Variants in ALG14 observed in about 807,000 individuals in gnomAD.
ALG14 encodes the protein ALG14 UDP-N-acetylglucosaminyltransferase subunit.
In ALG14, 17 loss-of-function variants were observed where a neutral mutation model predicts 22.8. The ratio of observed to expected loss-of-function variants is 0.75; its 90% CI spans 0.51 to 1.12. The LOEUF is 1.12. Ranked by LOEUF, ALG14 falls within the 50% of genes most tolerant of loss-of-function variation. The probability of loss-of-function intolerance (pLI) is 0.00; values close to 1 mark genes in which losing one functional copy is unlikely to be tolerated. For synonymous variants in ALG14, 89 were observed against 103.7 expected, an observed-to-expected ratio of 0.86 and a Z score of 0.86; for missense variants, 288 against 271.8, an observed-to-expected ratio of 1.06 and a Z score of -0.42.
At chr1:95,062,210 T>G (rs1374580736) in intron 2 of ALG14, 2 of 152,126 alleles carry the variant, frequency 1.3e-5, no homozygotes, top group Non-Finnish European at 2.9e-5. Context: ...ATAAAATAAT[T>G]TTCACTATTG....
At chr1:95,001,741 C>A (rs1673075761) in intron 3 of ALG14, among the ~76,000 whole-genome samples, 1 of 152,170 alleles carries the variant, frequency 6.6e-6, no homozygotes, top group Non-Finnish European at 1.5e-5. Flanking sequence ...AGTGATCCAC[C>A]CGCCTTGGCC....
Position 95,003,584 on chromosome 1 carries a change from A to G in ALG14, c.421-20278T>C, listed in dbSNP as rs541341279. 3.2e-3 allele frequency among the ~76,000 whole-genome samples: 481 copies of G among 151,610 alleles called. 1 individual carries two copies. Among genetic ancestry groups the G allele is most frequent in the African/African-American group, 0.011 (464 of 41,334 alleles). On this transcript the variant is annotated intron_variant, in intron 3 of 3. Transcript: ENST00000370205. The stretch of plus-strand genomic sequence containing the variant: ...CCTGCCTCCACCTCCTGAGTAGCTG[A>G]GACTACAGTGTGTGTCATCATGCCT...
intron 2 of ALG14, among the ~76,000 whole-genome samples, chr1:95,036,883 G>T (rs1352586557): frequency 2.6e-5 from 4 of 152,140 alleles, no homozygotes; most frequent in Non-Finnish European, 5.9e-5. Flanking sequence ...GAAGCAAGGA[G>T]GGCTAGCTGA....
At chr1:95,051,867 C>A (rs1471756689) in intron 2 of ALG14, among the ~76,000 whole-genome samples, 2 of 152,152 alleles carry the variant, frequency 1.3e-5, no homozygotes, top group Non-Finnish European at 2.9e-5. Context: ...CCCCTTTAAC[C>A]CTCTGAATCT....
intron 3 of ALG14, among the ~76,000 whole-genome samples, chr1:95,025,393 T>C (rs1673782903): frequency 6.6e-6 from 1 of 152,136 alleles, no homozygotes; most frequent in East Asian, 1.9e-4. Flanking sequence ...GCAGAATAGA[T>C]TTAGCATAAT....
chr1:95,060,827 A>G (rs1000707149), intron 2 of ALG14, among the ~76,000 whole-genome samples: 2 of 152,240 alleles, frequency 1.3e-5, no homozygotes, highest in Admixed American at 1.3e-4. Flanking sequence ...GATGCACAGT[A>G]TATAACTACT....
intron 1 of ALG14, chr1:95,067,012 T>A (rs1028916040): frequency 6.6e-6 from 1 of 152,238 alleles, no homozygotes; most frequent in Non-Finnish European, 1.5e-5. Context: ...TTTCCTTTTT[T>A]AAACTTTTTA....
Position 94,980,535 on chromosome 1 carries a change from C to G in ALG14, c.*2541G>C, listed in dbSNP as rs893028828. ...TCTAAGAGAAACTGGAAGGGACAAG[C>G]TAGCTACTCATCTTCTTCAGTTTGA... On this transcript the variant is annotated 3_prime_UTR_variant, in exon 4 of 4. Transcript: ENST00000370205. 2.6e-5 allele frequency: 4 copies of G among 152,180 alleles called. No homozygotes were observed. Among genetic ancestry groups the G allele is most frequent in the Non-Finnish European group, 5.9e-5 (4 of 68,040 alleles). The allele number at this position is 152,180 out of a possible 1,614,324, so 9.4% of individuals were successfully genotyped here.
intron 3 of ALG14, among the ~76,000 whole-genome samples, chr1:94,989,889 G>A (rs1418539236): frequency 6.6e-6 from 1 of 152,192 alleles, no homozygotes; most frequent in African/African-American, 2.4e-5. Flanking sequence ...AAAGATTTGA[G>A]AGCAGCAAAT....
intron 2 of ALG14, among the ~76,000 whole-genome samples, chr1:95,050,889 G>A (rs1299897573): frequency 5.7e-5 from 8 of 141,330 alleles, no homozygotes; most frequent in African/African-American, 1.6e-4. Flanking sequence ...TTTTGGAGAC[G>A]GGGTCTCACT....
chr1:95,028,137 C>T (rs569821497), intron 2 of ALG14, among the ~76,000 whole-genome samples: 1 of 152,264 alleles, frequency 6.6e-6, no homozygotes, highest in South Asian at 2.1e-4. Context: ...TACATACACA[C>T]ATCAGTATTT....
rs1672548364 is a variant in ALG14 at position 94,983,320 on chromosome 1, T to C, written c.421-14A>G. On this transcript the variant is annotated splice_polypyrimidine_tract_variant and intron_variant, in intron 3 of 3. Transcript: ENST00000370205. ...GTTACACAACACCTGAAAGAAAAAGTTGAAGGTCAAATGAAAATACAGAAT... is the reference window on the plus strand; with the variant it reads ...GTTACACAACACCTGAAAGAAAAAGCTGAAGGTCAAATGAAAATACAGAAT... 2 of 1,606,842 alleles carry C rather than the reference T, an allele frequency of 1.2e-6. No individual in the cohort carries two copies. The highest frequency in any genetic ancestry group is 1.7e-6 in the Non-Finnish European group (2 of 1,174,382).
chr1:95,037,085 T>C (rs1571635245), intron 2 of ALG14, among the ~76,000 whole-genome samples: 1 of 152,156 alleles, frequency 6.6e-6, no homozygotes, highest in Admixed American at 6.5e-5. Context: ...CTGAAAAAAT[T>C]ATGGGATTCT....
At chr1:95,046,320 C>T (rs1571649344) in intron 2 of ALG14, among the ~76,000 whole-genome samples, 2 of 152,196 alleles carry the variant, frequency 1.3e-5, no homozygotes, top group African/African-American at 4.8e-5. Flanking sequence ...GCCAGCATTA[C>T]CACCTGAGCT....
chr1:95,062,137 TAGAG>T (rs542247852), intron 2 of ALG14: 33 of 152,186 alleles, frequency 2.2e-4, no homozygotes, highest in Non-Finnish European at 4.6e-4. Flanking sequence ...AACACATTGA[TAGAG>T]AGCTTTAATG....
intron 3 of ALG14, among the ~76,000 whole-genome samples, chr1:94,988,557 G>A (rs1445984317): frequency 6.6e-6 from 1 of 152,190 alleles, no homozygotes; most frequent in African/African-American, 2.4e-5. Flanking sequence ...TCAGGTGTCA[G>A]CTGGATGGGC....
intron 3 of ALG14, among the ~76,000 whole-genome samples, chr1:95,004,323 G>A (rs768149306): frequency 5.3e-4 from 79 of 149,362 alleles, no homozygotes; most frequent in Non-Finnish European, 8.7e-4. Context: ...CTGGCTTCAC[G>A]TGATTCTCAT....
At position 95,041,090 on chromosome 1, in the gene ALG14, T is replaced by G. The variant is rs148037196; in HGVS notation, c.289-13830A>C. 3.5e-3 allele frequency among the ~76,000 whole-genome samples: 528 copies of G among 152,308 alleles called. 2 individuals carry two copies. The highest frequency in any genetic ancestry group is 0.01 in the Middle Eastern group (3 of 294). On this transcript the variant is annotated intron_variant, in intron 2 of 3. Coordinates refer to ENST00000370205, the MANE Select transcript of ALG14 (RefSeq NM_144988.4). ...TGATATACTATTTCAAAAATAAGAA[T>G]CTATTCACTGAAATGGCCACATCAG...
At chr1:95,012,918 A>C (rs930138556) in intron 3 of ALG14, among the ~76,000 whole-genome samples, 3 of 152,076 alleles carry the variant, frequency 2.0e-5, no homozygotes, top group African/African-American at 2.4e-5. Flanking sequence ...GAATCACCTG[A>C]GGTTGGGAGT....
Sources: gnomAD v4.1 joint callset for allele counts (sites outside exome capture counted in the v4.1 genomes callset) on GRCh38, gnomAD v4.1.1 for gene constraint, MANE v1.5 for transcripts, NCBI Gene and HGNC (gene_info 2026-07-23, HGNC 2026-07-21) for gene names.